Variants in CNTNAP2 observed in about 807,000 individuals in gnomAD.
The protein encoded by CNTNAP2 is contactin associated protein 2.
In CNTNAP2, 98 loss-of-function variants were observed where a neutral mutation model predicts 155.2. The ratio of observed to expected loss-of-function variants is 0.63; its 90% CI spans 0.54 to 0.75. The LOEUF is 0.75. Ranked by LOEUF, CNTNAP2 falls within the 30% of genes least tolerant of loss-of-function variation. The probability of loss-of-function intolerance (pLI) is 0.00; values close to 1 mark genes in which losing one functional copy is unlikely to be tolerated. For synonymous variants in CNTNAP2, 651 were observed against 631.2 expected (o/e 1.03, Z -0.47); for missense variants, 1,727 against 1,688.1 (o/e 1.02, Z -0.40).
intron 13 of CNTNAP2, among the ~76,000 whole-genome samples, chr7:147,812,972 A>T (rs537751386): frequency 6.6e-6 from 1 of 152,330 alleles, no homozygotes; most frequent in South Asian, 2.1e-4. Flanking sequence ...ATATAAGACA[A>T]TAAATTAAAT....
chr7:146,965,943 G>T, intron 3 of CNTNAP2, among the ~76,000 whole-genome samples: 1 of 152,164 alleles, frequency 6.6e-6, no homozygotes, highest in Non-Finnish European at 1.5e-5. Context: ...ATATCATTAT[G>T]GTTGTTCAGA....
chr7:146,448,511 GT>G (rs529624989), intron 1 of CNTNAP2, among the ~76,000 whole-genome samples: 1,563 of 143,724 alleles, frequency 0.011, 19 homozygotes, highest in African/African-American at 0.034. Flanking sequence ...CTTTGTTTTT[GT>G]TTTTTTTTTA....
intron 15 of CNTNAP2, among the ~76,000 whole-genome samples, chr7:148,099,867 G>GT (rs1563199177): frequency 9.8e-5 from 10 of 101,864 alleles, no homozygotes; most frequent in South Asian, 3.0e-4. Context: ...TTTTTTTTTT[G>GT]GTTTTTTTTT....
rs115456856 is a variant in CNTNAP2, at chr7:147,198,945, A to G, written c.1348+66436A>G. On this transcript the variant is annotated intron_variant, in intron 8 of 23. Transcript: ENST00000361727. ...CTGGAATATTGCCCTCTAACTAGCT[A>G]ATCAAAGGACTTTTTTTTTTTTTTT... Among the ~76,000 whole-genome samples, 706 of 151,134 alleles carry G rather than the reference A, an allele frequency of 4.7e-3. 8 individuals are homozygous for G. Among genetic ancestry groups the G allele is most frequent in the African/African-American group, 0.016 (673 of 41,140 alleles).
intron 9 of CNTNAP2, among the ~76,000 whole-genome samples, chr7:147,384,807 G>A (rs563969230): frequency 1.3e-5 from 2 of 152,126 alleles, no homozygotes; most frequent in Admixed American, 1.3e-4. Flanking sequence ...CAAAAAAATT[G>A]CAAGAAGGAT....
intron 1 of CNTNAP2, among the ~76,000 whole-genome samples, chr7:146,203,312 G>A (rs1798896315): frequency 6.6e-6 from 1 of 152,204 alleles, no homozygotes; most frequent in African/African-American, 2.4e-5. Context: ...GCCTCTTTCT[G>A]ATGGACAAGC....
intron 1 of CNTNAP2, among the ~76,000 whole-genome samples, chr7:146,284,213 T>G (rs1437814396): frequency 1.3e-5 from 2 of 152,174 alleles, no homozygotes; most frequent in East Asian, 3.8e-4. Flanking sequence ...TTTGGGAGAA[T>G]GTAAACTCAA....
intron 15 of CNTNAP2, among the ~76,000 whole-genome samples, chr7:148,042,775 T>C (rs1802703521): frequency 6.6e-6 from 1 of 152,216 alleles, no homozygotes; most frequent in Non-Finnish European, 1.5e-5. Context: ...GCCTGCATAA[T>C]GCATATCCAT....
At chr7:146,982,008 A>G (rs1484085300) in intron 3 of CNTNAP2, among the ~76,000 whole-genome samples, 1 of 152,204 alleles carries the variant, frequency 6.6e-6, no homozygotes, top group Non-Finnish European at 1.5e-5. Flanking sequence ...GTATTTCAAT[A>G]GAAGTTTATT....
intron 21 of CNTNAP2, among the ~76,000 whole-genome samples, chr7:148,328,992 A>AAAAAC (rs1797940722): frequency 6.7e-6 from 1 of 149,360 alleles, no homozygotes; most frequent in Non-Finnish European, 1.5e-5. Flanking sequence ...AAAAAAAAAA[A>AAAAAC]AAAAAAAAGG....
At chr7:147,902,402 T>TA (rs35370083) in intron 13 of CNTNAP2, among the ~76,000 whole-genome samples, 21 of 151,986 alleles carry the variant, frequency 1.4e-4, no homozygotes, top group South Asian at 4.2e-4. Context: ...AAAGCTTTTT[T>TA]AAAAAAAACA....
chr7:147,861,848 T>A (rs553995538), intron 13 of CNTNAP2, among the ~76,000 whole-genome samples: 1 of 151,928 alleles, frequency 6.6e-6, no homozygotes, highest in South Asian at 2.1e-4. Context: ...AAACCCCATG[T>A]CTAATAAAAA....
chr7:146,536,202 C>G (rs1454856337), intron 1 of CNTNAP2, among the ~76,000 whole-genome samples: 2 of 152,100 alleles, frequency 1.3e-5, no homozygotes, highest in African/African-American at 2.4e-5. Flanking sequence ...CTCAGAATTA[C>G]ACAATATTCA....
chr7:147,023,273 T>C (rs891283858), intron 3 of CNTNAP2, among the ~76,000 whole-genome samples: 5 of 152,224 alleles, frequency 3.3e-5, no homozygotes, highest in Admixed American at 1.3e-4. Flanking sequence ...AGAAATTTTA[T>C]ATTATGTTGA....
chr7:146,488,687 C>A (rs1797094893), intron 1 of CNTNAP2, among the ~76,000 whole-genome samples: 2 of 152,044 alleles, frequency 1.3e-5, no homozygotes, highest in Non-Finnish European at 2.9e-5. Flanking sequence ...GTGTACAGTG[C>A]CATGATTTTG....
At chr7:147,763,267 A>G (rs1308921107) in intron 13 of CNTNAP2, among the ~76,000 whole-genome samples, 2 of 119,994 alleles carry the variant, frequency 1.7e-5, no homozygotes, top group African/African-American at 4.6e-5. Context: ...TCAAAAAAAA[A>G]AAAAGAAAAA....
chr7:147,013,554 C>T (rs376159217), intron 3 of CNTNAP2, among the ~76,000 whole-genome samples: 27 of 152,156 alleles, frequency 1.8e-4, no homozygotes, highest in African/African-American at 6.5e-4. Flanking sequence ...TCCTCATTGC[C>T]TTTTCTTCCT....
chr7:147,002,130 A>G (rs1798436315), intron 3 of CNTNAP2, among the ~76,000 whole-genome samples: 1 of 151,968 alleles, frequency 6.6e-6, no homozygotes, highest in Non-Finnish European at 1.5e-5. Flanking sequence ...AAATTATACA[A>G]AGAGAAACTT....
intron 8 of CNTNAP2, among the ~76,000 whole-genome samples, chr7:147,207,255 G>A (rs1262156699): frequency 6.6e-6 from 1 of 152,152 alleles, no homozygotes; most frequent in African/African-American, 2.4e-5. Flanking sequence ...AACAAAAAAT[G>A]CAAGAATGGA....
Sources: gnomAD v4.1 joint callset for allele counts (sites outside exome capture counted in the v4.1 genomes callset) on GRCh38, gnomAD v4.1.1 for gene constraint, MANE v1.5 for transcripts, NCBI Gene and HGNC (gene_info 2026-07-23, HGNC 2026-07-21) for gene names.